The following MCF2L2 variants were observed in gnomAD, a reference collection of about 807,000 sequenced individuals.
The protein encoded by MCF2L2 is probable guanine nucleotide exchange factor MCF2L2.
In MCF2L2, 102 loss-of-function variants were observed where a neutral mutation model predicts 150.2. The ratio of observed to expected loss-of-function variants is 0.68; its 90% CI spans 0.58 to 0.80. MCF2L2 has a LOEUF of 0.80. Among genes scored for constraint, MCF2L2 ranks in the 30% least tolerant of loss-of-function variants. The pLI is 0.00. For synonymous variants in MCF2L2, 465 were observed against 491.3 expected (o/e 0.95, Z 0.71); for missense variants, 1,256 against 1,372.8 (o/e 0.91, Z 1.34).
intron 20 of MCF2L2, among the ~76,000 whole-genome samples, chr3:183,220,456 A>G (rs1723107241): frequency 6.6e-6 from 1 of 152,226 alleles, no homozygotes; most frequent in South Asian, 2.1e-4. Flanking sequence ...TAGATAAACC[A>G]TAATCGAATT....
intron 27 of MCF2L2, among the ~76,000 whole-genome samples, chr3:183,186,964 T>G (rs574924011): frequency 6.6e-6 from 1 of 152,368 alleles, no homozygotes; most frequent in African/African-American, 2.4e-5. Flanking sequence ...ATTTTCTAAA[T>G]TCCTGACATT....
intron 3 of MCF2L2, among the ~76,000 whole-genome samples, chr3:183,343,741 A>G (rs1460247030): frequency 6.6e-6 from 1 of 152,230 alleles, no homozygotes; most frequent in Non-Finnish European, 1.5e-5. Context: ...AAATATGTGA[A>G]TAAGTATTAT....
chr3:183,395,217 T>C (rs969449839), intron 1 of MCF2L2, among the ~76,000 whole-genome samples: 1 of 152,216 alleles, frequency 6.6e-6, no homozygotes, highest in Non-Finnish European at 1.5e-5. Flanking sequence ...TGTGATGTTT[T>C]TACCAGAGTG....
At chr3:183,345,160 T>A (rs1349557005) in intron 3 of MCF2L2, among the ~76,000 whole-genome samples, 2 of 152,160 alleles carry the variant, frequency 1.3e-5, no homozygotes, top group Non-Finnish European at 2.9e-5. Context: ...ACTGACCACA[T>A]AATTGGAAGT....
chr3:183,323,276 T>TC lies in MCF2L2; in HGVS notation c.561dup (p.Thr188AspfsTer66). 6.2e-7 allele frequency: 1 copy of TC among 1,612,654 alleles called. No individual in the cohort carries two copies. ...CACTGACCGTGGCGATATTCCAAAGTCCCCCCTAATTCCCGGGTCAGTTGG... is the reference window on the plus strand; with the variant it reads ...CACTGACCGTGGCGATATTCCAAAGTCCCCCCCTAATTCCCGGGTCAGTTGG... On this transcript the variant is annotated frameshift_variant, in exon 6 of 30. Coordinates refer to ENST00000328913, the MANE Select transcript of MCF2L2 (RefSeq NM_015078.4). LOFTEE classifies it high-confidence loss of function.
intron 5 of MCF2L2, among the ~76,000 whole-genome samples, chr3:183,335,272 T>C (rs1269972125): frequency 6.6e-6 from 1 of 152,104 alleles, no homozygotes; most frequent in African/African-American, 2.4e-5. Context: ...ATTAAATATA[T>C]TGTGTATGGA....
chr3:183,215,954 T>C lies in MCF2L2; in HGVS notation c.2496+15A>G. 6.2e-7 allele frequency: 1 copy of C among 1,611,672 alleles called. No individual in the cohort carries two copies. The highest frequency in any genetic ancestry group is 8.5e-7 in the Non-Finnish European group (1 of 1,178,784). On this transcript the variant is annotated intron_variant, in intron 22 of 29. Transcript: ENST00000328913. ...CCTTTTGTGTGAGATGCTCTAACAC[T>C]ACTATGGAACATACCGGACATTCAG...
intron 5 of MCF2L2, among the ~76,000 whole-genome samples, chr3:183,323,766 C>T (rs1046865353): frequency 1.7e-4 from 25 of 150,018 alleles, no homozygotes; most frequent in Non-Finnish European, 2.1e-4. Flanking sequence ...CATGGCACTC[C>T]AGCCTGGGCG....
At chr3:183,180,205 A>T in intron 27 of MCF2L2, 46 bp from the exon 28 acceptor site, 1 of 1,237,610 alleles carries the variant, frequency 8.1e-7, no homozygotes, top group Non-Finnish European at 1.2e-6. Context: ...GGGTGGGAGG[A>T]CATCCCCTCT....
intron 12 of MCF2L2, among the ~76,000 whole-genome samples, chr3:183,295,700 C>G (rs1728462452): frequency 6.6e-6 from 1 of 152,108 alleles, no homozygotes; most frequent in East Asian, 1.9e-4. Flanking sequence ...AGGACAATGA[C>G]TACATCCTTT....
intron 26 of MCF2L2, among the ~76,000 whole-genome samples, chr3:183,193,968 G>A (rs1721997265): frequency 6.6e-6 from 1 of 152,190 alleles, no homozygotes. Context: ...CCTGGTAGAT[G>A]AGGCCTGAGG....
intron 3 of MCF2L2, among the ~76,000 whole-genome samples, chr3:183,354,058 G>T (rs1711620154): frequency 6.6e-6 from 1 of 152,100 alleles, no homozygotes; most frequent in African/African-American, 2.4e-5. Context: ...ATAACAGAAA[G>T]CGGGGTCAGA....
chr3:183,366,572 C>T (rs187791415), intron 3 of MCF2L2, among the ~76,000 whole-genome samples: 130 of 151,992 alleles, frequency 8.6e-4, no homozygotes, highest in Non-Finnish European at 1.6e-3. Flanking sequence ...TGGAACCCAG[C>T]GGGGCAAAGG....
intron 11 of MCF2L2, 90 bp from the exon 12 acceptor site, chr3:183,297,257 C>T: frequency 9.0e-7 from 1 of 1,110,016 alleles, no homozygotes. Context: ...TGTAAGGTGT[C>T]TACAAGGATT....
In MCF2L2 at chr3:183,216,561, T is replaced by C. The variant is rs1231683423; in HGVS notation, c.2371-467A>G. Among the ~76,000 whole-genome samples the C allele has an allele frequency of 9.0e-4, 3 of 3,346 alleles. No homozygotes were observed. The Admixed American group carries it at 0.012, about 13-fold the overall frequency. 2.2% of individuals were successfully genotyped at this position (3,346 alleles called of 152,430 possible). A position where few individuals can be genotyped will look rare whatever the true frequency, so the allele number is the denominator to read the frequency against. ...AATATAAGTATATATATTATATATA[T>C]ATATATATATATATATATATTTTTT... On this transcript the variant is annotated intron_variant, in intron 21 of 29. Coordinates refer to ENST00000328913, the MANE Select transcript of MCF2L2 (RefSeq NM_015078.4).
intron 4 of MCF2L2, among the ~76,000 whole-genome samples, chr3:183,339,211 C>T (rs1183897471): frequency 1.3e-5 from 2 of 152,062 alleles, no homozygotes; most frequent in Non-Finnish European, 2.9e-5. Flanking sequence ...TAAAACTATA[C>T]ATTAGAAAGT....
intron 3 of MCF2L2, among the ~76,000 whole-genome samples, chr3:183,348,962 A>G (rs1189600711): frequency 6.6e-6 from 1 of 152,230 alleles, no homozygotes. Context: ...ACAAGCAGCC[A>G]AAAATTAGTA....
Position 183,283,179 on chromosome 3 carries a change from AATGGGT to A in MCF2L2, c.1776+5935_1776+5940del, listed in dbSNP as rs149627934. ...AGCCACTAGGGAGAACGTTTCAGTC[AATGGGT>A]ATGATTTCTGCTCACCTCTTTTTGC... On this transcript the variant is annotated intron_variant, in intron 14 of 29. Coordinates refer to ENST00000328913, the MANE Select transcript of MCF2L2 (RefSeq NM_015078.4). This position sits in a 1 kb window ranked among gnomAD's most constrained non-coding sequence, Gnocchi z 4.2. Among the ~76,000 whole-genome samples, 2,938 of 152,256 alleles carry A rather than the reference AATGGGT, an allele frequency of 0.019. 56 individuals are homozygous for A. The highest frequency in any genetic ancestry group is 0.052 in the East Asian group (269 of 5,186).
At chr3:183,394,614 G>A (rs1054523264) in intron 1 of MCF2L2, among the ~76,000 whole-genome samples, 1 of 152,212 alleles carries the variant, frequency 6.6e-6, no homozygotes, top group Non-Finnish European at 1.5e-5. Flanking sequence ...TGCTTAACCT[G>A]CCCCATAACA....
Sources: allele counts gnomAD v4.1 joint callset (sites outside exome capture counted in the v4.1 genomes callset), GRCh38; gene constraint gnomAD v4.1.1; non-coding constraint Gnocchi (gnomAD v3.1); transcripts MANE v1.5; gene names NCBI Gene and HGNC (gene_info 2026-07-23, HGNC 2026-07-21).